CADM2: variants seen among roughly 807,000 people sequenced by gnomAD.
CADM2 encodes the protein immunoglobulin superfamily member 4D.
In CADM2, 12 loss-of-function variants were observed where a neutral mutation model predicts 49.8. The observed-to-expected ratio is 0.24, with a 90% CI of 0.15 to 0.39. The LOEUF is 0.39. Among genes scored for constraint, CADM2 ranks in the 10% least tolerant of loss-of-function variants. CADM2 has a pLI of 1.00. For synonymous variants in CADM2, 214 were observed against 175.4 expected (o/e 1.22, Z -1.74); for missense variants, 378 against 492.3 (o/e 0.77, Z 2.20).
chr3:85,568,563 TTTCC>T (rs1214461413), intron 1 of CADM2, among the ~76,000 whole-genome samples: 1 of 148,258 alleles, frequency 6.7e-6, no homozygotes, highest in African/African-American at 2.5e-5. Context: ...CTTTCTTTCT[TTTCC>T]TTCCTTCCTT....
chr3:85,668,220 G>T (rs1166463955), intron 1 of CADM2, among the ~76,000 whole-genome samples: 1 of 135,068 alleles, frequency 7.4e-6, no homozygotes, highest in Non-Finnish European at 1.5e-5. Context: ...AAATGACAAA[G>T]ACTTCAAGCA....
chr3:85,486,495 A>G (rs1042503821), intron 1 of CADM2, among the ~76,000 whole-genome samples: 10 of 152,142 alleles, frequency 6.6e-5, no homozygotes, highest in African/African-American at 2.4e-4. Flanking sequence ...TGAAATCTAA[A>G]TTTTATTTCT....
chr3:85,821,123 A>G (rs1179402754), intron 3 of CADM2, among the ~76,000 whole-genome samples: 2 of 152,166 alleles, frequency 1.3e-5, no homozygotes, highest in African/African-American at 4.8e-5. Context: ...GGTTCTCTGC[A>G]TACAATATGA....
intron 1 of CADM2, among the ~76,000 whole-genome samples, chr3:85,364,880 A>G (rs1324060457): frequency 2.5e-5 from 1 of 39,310 alleles, no homozygotes; most frequent in Non-Finnish European, 1.9e-4. Context: ...AACAACAACA[A>G]CAACAACAAC....
intron 1 of CADM2, among the ~76,000 whole-genome samples, chr3:84,987,479 C>T (rs569651994): frequency 1.3e-5 from 2 of 152,136 alleles, no homozygotes; most frequent in Non-Finnish European, 2.9e-5. Flanking sequence ...TTCTATAGGG[C>T]TCTGAGTATA....
At chr3:86,032,307 A>G (rs151317160) in intron 8 of CADM2, among the ~76,000 whole-genome samples, 69 of 151,956 alleles carry the variant, frequency 4.5e-4, no homozygotes, top group African/African-American at 1.6e-3. Context: ...ATAAAGTTTA[A>G]AAACAGCTTT....
chr3:86,004,423 T>C (rs1301234995), intron 8 of CADM2, among the ~76,000 whole-genome samples: 1 of 152,222 alleles, frequency 6.6e-6, no homozygotes, highest in African/African-American at 2.4e-5. Flanking sequence ...TAAAAGATCC[T>C]GTCATTTTTG....
chr3:85,647,358 T>G (rs2064919448), intron 1 of CADM2, among the ~76,000 whole-genome samples: 2 of 151,752 alleles, frequency 1.3e-5, no homozygotes, highest in South Asian at 4.1e-4. Flanking sequence ...GTATTTTTTC[T>G]TATACCTAGA....
At chr3:85,855,043 C>G (rs1023666749) in intron 3 of CADM2, among the ~76,000 whole-genome samples, 1 of 152,100 alleles carries the variant, frequency 6.6e-6, no homozygotes, top group Non-Finnish European at 1.5e-5. Flanking sequence ...GGTCTCTTGC[C>G]TTCCATGACA....
chr3:85,373,798 A>G (rs1335457957), intron 1 of CADM2, among the ~76,000 whole-genome samples: 1 of 152,160 alleles, frequency 6.6e-6, no homozygotes, highest in Non-Finnish European at 1.5e-5. Flanking sequence ...CTTTGAAGCA[A>G]CAGCCTAAGC....
intron 8 of CADM2, among the ~76,000 whole-genome samples, chr3:86,004,163 A>G (rs1730504169): frequency 6.6e-6 from 1 of 151,892 alleles, no homozygotes; most frequent in South Asian, 2.1e-4. Context: ...AAACAAAACA[A>G]AAAACGAAGA....
intron 3 of CADM2, among the ~76,000 whole-genome samples, chr3:85,864,219 C>T (rs1177361975): frequency 6.6e-6 from 1 of 152,072 alleles, no homozygotes; most frequent in East Asian, 1.9e-4. Flanking sequence ...GCTTTTCCTC[C>T]TTCATTTTGT....
intron 1 of CADM2, among the ~76,000 whole-genome samples, chr3:85,553,126 G>A (rs570367692): frequency 3.4e-4 from 52 of 151,842 alleles, no homozygotes; most frequent in Non-Finnish European, 7.4e-4. Context: ...AAATACTAGG[G>A]GTCTCTAAGT....
chr3:85,015,517 T>C (rs1347666038), intron 1 of CADM2, among the ~76,000 whole-genome samples: 3 of 152,322 alleles, frequency 2.0e-5, no homozygotes, highest in African/African-American at 7.2e-5. Flanking sequence ...CCCTTCTGTA[T>C]AAAGAACTCT....
chr3:85,680,312 T>G (rs548375845), intron 1 of CADM2, among the ~76,000 whole-genome samples: 1 of 152,140 alleles, frequency 6.6e-6, no homozygotes, highest in African/African-American at 2.4e-5. Context: ...TCTGAATCGG[T>G]GGAATTTTGA....
chr3:85,659,791 G>C (rs1577035718), intron 1 of CADM2, among the ~76,000 whole-genome samples: 1 of 152,100 alleles, frequency 6.6e-6, no homozygotes, highest in Non-Finnish European at 1.5e-5. Context: ...CTAAAATTCA[G>C]ATTTCTAACA....
At chr3:85,301,941 T>C (rs2044111631) in intron 1 of CADM2, among the ~76,000 whole-genome samples, 1 of 152,090 alleles carries the variant, frequency 6.6e-6, no homozygotes, top group Non-Finnish European at 1.5e-5. Context: ...AATTTTTTTG[T>C]ATGCGTAGCT....
At chr3:86,054,391 A>G (rs1029917292) in intron 8 of CADM2, among the ~76,000 whole-genome samples, 3 of 152,114 alleles carry the variant, frequency 2.0e-5, no homozygotes, top group Non-Finnish European at 2.9e-5. Context: ...ACATTTTAGA[A>G]CTGACTTGTT....
intron 1 of CADM2, among the ~76,000 whole-genome samples, chr3:85,531,110 A>C (rs56063967): frequency 0.31 from 46,464 of 152,004 alleles, 8,138 homozygotes; most frequent in East Asian, 0.55. Flanking sequence ...TGTGAACCCG[A>C]TTCACTGAAT....
Sources: allele counts gnomAD v4.1 joint callset (sites outside exome capture counted in the v4.1 genomes callset), GRCh38; gene constraint gnomAD v4.1.1; transcripts MANE v1.5; gene names NCBI Gene and HGNC (gene_info 2026-07-23, HGNC 2026-07-21).